The following SDK1 variants were observed in gnomAD, a reference collection of about 807,000 sequenced individuals.
SDK1 encodes protein sidekick-1.
In SDK1, 157 loss-of-function variants were observed where a neutral mutation model predicts 245.5. The ratio of observed to expected loss-of-function variants is 0.64; its 90% CI spans 0.56 to 0.73. SDK1 has a LOEUF of 0.73. Ranked by LOEUF, SDK1 falls within the 30% of genes least tolerant of loss-of-function variation. The pLI, the probability that SDK1 is intolerant of heterozygous loss-of-function variation, is 0.00. For missense variants in SDK1, 3,583 were observed against 3,002.3 expected, an observed-to-expected ratio of 1.19 and a Z score of -4.52; for synonymous variants, 1,647 against 1,278.5, an observed-to-expected ratio of 1.29 and a Z score of -6.15.
chr7:3,796,510 A>C (rs971664362), intron 4 of SDK1, among the ~76,000 whole-genome samples: 1 of 151,774 alleles, frequency 6.6e-6, no homozygotes, highest in Non-Finnish European at 1.5e-5. Flanking sequence ...TTCATCAGTA[A>C]TGCCCCTCTC....
intron 1 of SDK1, among the ~76,000 whole-genome samples, chr7:3,327,454 G>A (rs1779965176): frequency 6.6e-6 from 1 of 152,124 alleles, no homozygotes; most frequent in African/African-American, 2.4e-5. Context: ...TGATTAAAAT[G>A]ATGCTTTTGG....
At chr7:4,070,679 A>G (rs1190870796) in intron 20 of SDK1, among the ~76,000 whole-genome samples, 2 of 150,674 alleles carry the variant, frequency 1.3e-5, no homozygotes, top group Non-Finnish European at 3.0e-5. Flanking sequence ...CCCATACACA[A>G]GGTCACCTTG....
At chr7:3,552,960 G>T (rs1779463392) in intron 1 of SDK1, among the ~76,000 whole-genome samples, 1 of 152,030 alleles carries the variant, frequency 6.6e-6, no homozygotes, top group Admixed American at 6.5e-5. Flanking sequence ...GTATATTTCT[G>T]TTTTTCTTAT....
intron 4 of SDK1, among the ~76,000 whole-genome samples, chr7:3,797,455 G>GTA (rs1300090592): frequency 1.1e-5 from 1 of 90,410 alleles, no homozygotes; most frequent in African/African-American, 4.8e-5. Context: ...AGAGGGGTGT[G>GTA]TATACACACA....
At chr7:3,889,664 C>T (rs550187851) in intron 5 of SDK1, among the ~76,000 whole-genome samples, 20 of 152,278 alleles carry the variant, frequency 1.3e-4, no homozygotes, top group Admixed American at 1.1e-3. Context: ...CCCGCCACCT[C>T]GCCTGGCTAA....
At chr7:3,363,908 C>T (rs968576115) in intron 1 of SDK1, among the ~76,000 whole-genome samples, 1 of 152,172 alleles carries the variant, frequency 6.6e-6, no homozygotes, top group South Asian at 2.1e-4. Flanking sequence ...TACTATTTTA[C>T]GTTGTCACCA....
At chr7:3,668,478 A>G (rs978311328) in intron 4 of SDK1, among the ~76,000 whole-genome samples, 1 of 152,176 alleles carries the variant, frequency 6.6e-6, no homozygotes, top group East Asian at 1.9e-4. Context: ...TGTCACATAA[A>G]AACTATATTG....
chr7:3,415,723 GTATATA>G (rs962032447), intron 1 of SDK1, among the ~76,000 whole-genome samples: 6 of 148,848 alleles, frequency 4.0e-5, no homozygotes, highest in Admixed American at 2.0e-4. Context: ...ATATATAAAT[GTATATA>G]TATATATTCA....
intron 4 of SDK1, among the ~76,000 whole-genome samples, chr7:3,767,638 C>G (rs1430647783): frequency 6.6e-6 from 1 of 152,100 alleles, no homozygotes; most frequent in Admixed American, 6.6e-5. Context: ...TAATATCCTT[C>G]TCATCACTTT....
intron 4 of SDK1, among the ~76,000 whole-genome samples, chr7:3,704,270 T>G (rs1237701613): frequency 6.6e-6 from 1 of 152,122 alleles, no homozygotes; most frequent in African/African-American, 2.4e-5. Context: ...ATATATACCA[T>G]TTTTTCTTTA....
intron 4 of SDK1, among the ~76,000 whole-genome samples, chr7:3,820,868 A>G (rs955771516): frequency 1.3e-5 from 2 of 152,192 alleles, no homozygotes; most frequent in African/African-American, 2.4e-5. Flanking sequence ...TTGCACTTCT[A>G]AGACATGGTG....
At chr7:3,688,595 T>C (rs1784355593) in intron 4 of SDK1, among the ~76,000 whole-genome samples, 1 of 152,242 alleles carries the variant, frequency 6.6e-6, no homozygotes. Context: ...ATTTCGTCTT[T>C]GTTTCTAACA....
intron 28 of SDK1, 117 bp from the exon 29 acceptor site, chr7:4,145,605 C>A: frequency 3.3e-6 from 3 of 904,434 alleles, no homozygotes; most frequent in Non-Finnish European, 5.0e-6. Flanking sequence ...CAGTGACCTC[C>A]AGAGACGGGG....
At chr7:4,171,834 C>T (rs940205060) in intron 32 of SDK1, among the ~76,000 whole-genome samples, 16 of 152,206 alleles carry the variant, frequency 1.1e-4, no homozygotes, top group Non-Finnish European at 7.3e-5. Context: ...GCTGCAAGCC[C>T]GCAGGATGGA....
chr7:3,644,213 G>A (rs543030833), intron 4 of SDK1, among the ~76,000 whole-genome samples: 1 of 145,488 alleles, frequency 6.9e-6, no homozygotes, highest in East Asian at 2.0e-4. Context: ...TTTCACAAAT[G>A]TTTCTATTTT....
intron 1 of SDK1, among the ~76,000 whole-genome samples, chr7:3,576,041 A>G (rs550056809): frequency 2.0e-5 from 3 of 152,178 alleles, no homozygotes; most frequent in African/African-American, 7.2e-5. Flanking sequence ...AAGAAACAAG[A>G]AAAGGGAAAG....
chr7:3,801,864 C>G (rs1469511370), intron 4 of SDK1, among the ~76,000 whole-genome samples: 1 of 152,164 alleles, frequency 6.6e-6, no homozygotes, highest in African/African-American at 2.4e-5. Context: ...TCTCAAACTC[C>G]AACATTTGTG....
chr7:3,741,039 T>C (rs995292685), intron 4 of SDK1, among the ~76,000 whole-genome samples: 3 of 152,200 alleles, frequency 2.0e-5, no homozygotes, highest in Admixed American at 2.0e-4. Context: ...GTTGCCTCCC[T>C]CTGGAGCCTC....
intron 1 of SDK1, among the ~76,000 whole-genome samples, chr7:3,541,854 A>T (rs1363584520): frequency 6.6e-6 from 1 of 152,198 alleles, no homozygotes; most frequent in Non-Finnish European, 1.5e-5. Context: ...AAGGAGCTAA[A>T]TGCCCTCTTA....
Sources: gnomAD v4.1 joint callset for allele counts (sites outside exome capture counted in the v4.1 genomes callset) on GRCh38, gnomAD v4.1.1 for gene constraint, MANE v1.5 for transcripts, NCBI Gene and HGNC (gene_info 2026-07-23, HGNC 2026-07-21) for gene names.